ATP11A: variants seen among roughly 807,000 people sequenced by gnomAD.
ATP11A encodes ATPase phospholipid transporting 11A, also known as phospholipid-transporting ATPase IH.
ATP11A carries 81 observed loss-of-function variants against 154.4 expected under a neutral mutation model. The ratio of observed to expected loss-of-function variants is 0.52; its 90% CI spans 0.44 to 0.63. The LOEUF (loss-of-function observed/expected upper bound fraction) is 0.63, where lower values mean the gene tolerates loss of function less well. ATP11A is among the 30% of genes least tolerant of loss of function. The pLI, the probability that ATP11A is intolerant of heterozygous loss-of-function variation, is 0.00. For missense variants in ATP11A, 1,316 were observed against 1,474.3 expected (o/e 0.89, Z 1.76); for synonymous variants, 623 against 585.9 (o/e 1.06, Z -0.91).
chr13:112,736,059 C>G (rs966015200), intron 1 of ATP11A, among the ~76,000 whole-genome samples: 2 of 152,098 alleles, frequency 1.3e-5, no homozygotes, highest in African/African-American at 4.8e-5. Flanking sequence ...GTGCCCAGAG[C>G]AGGTGCAGAG....
At chr13:112,776,926 C>T (rs1451093925) in intron 1 of ATP11A, among the ~76,000 whole-genome samples, 2 of 152,276 alleles carry the variant, frequency 1.3e-5, no homozygotes, top group African/African-American at 4.8e-5. Context: ...GAGGCTTCAG[C>T]TCCTGGCCTG....
At chr13:112,873,129 G>A (rs373216574) in intron 26 of ATP11A, among the ~76,000 whole-genome samples, 11 of 125,644 alleles carry the variant, frequency 8.8e-5, no homozygotes, top group South Asian at 2.8e-4. Flanking sequence ...CTTCCTGAAC[G>A]GTGTGAGGTG....
intron 3 of ATP11A, among the ~76,000 whole-genome samples, chr13:112,805,672 CAAAAA>C (rs1220102979): frequency 6.0e-5 from 5 of 83,058 alleles, no homozygotes; most frequent in African/African-American, 1.9e-4. Flanking sequence ...GAGACTGTCT[CAAAAA>C]AAAAAAAAAA....
In ATP11A at chr13:112,767,464, G is replaced by A. The variant is rs9603944; in HGVS notation, c.40-17671G>A. Reference sequence around the variant, plus strand: ...GGGCCCCTGTGGGAAGGTGGGGAGGGTGTGGGAGTGCTGGGAGCCCCCGTG... The same window carrying A: ...GGGCCCCTGTGGGAAGGTGGGGAGGATGTGGGAGTGCTGGGAGCCCCCGTG... On this transcript the variant is annotated intron_variant, in intron 1 of 29. Coordinates refer to ENST00000375645, the MANE Select transcript of ATP11A (RefSeq NM_015205.3). Among the ~76,000 whole-genome samples the A allele has an allele frequency of 6.2e-4, 64 of 103,942 alleles. 1 individual carries two copies. Among genetic ancestry groups the A allele is most frequent in the African/African-American group, 2.9e-3 (61 of 21,184 alleles). The allele number at this position is 103,942 out of a possible 152,430, so 68.2% of individuals were successfully genotyped here.
intron 28 of ATP11A, among the ~76,000 whole-genome samples, chr13:112,877,385 A>G (rs908715716): frequency 3.3e-5 from 5 of 152,204 alleles, no homozygotes; most frequent in South Asian, 2.1e-4. Flanking sequence ...TGAGCTCTTT[A>G]GCTGTGCAGT....
intron 19 of ATP11A, among the ~76,000 whole-genome samples, 160 bp from the exon 20 acceptor site, chr13:112,855,751 T>G (rs2079903307): frequency 6.6e-6 from 1 of 152,204 alleles, no homozygotes. Flanking sequence ...ACAAAAGGTG[T>G]TATGTTCAAT....
At chr13:112,700,683 C>A (rs1361891824) in intron 1 of ATP11A, among the ~76,000 whole-genome samples, 2 of 152,232 alleles carry the variant, frequency 1.3e-5, no homozygotes, top group Non-Finnish European at 2.9e-5. Flanking sequence ...TTATCCATAG[C>A]GTCCCCTTCA....
chr13:112,864,903 CG>C (rs2080267998), intron 25 of ATP11A, among the ~76,000 whole-genome samples: 2 of 78,428 alleles, frequency 2.6e-5, no homozygotes, highest in Non-Finnish European at 5.3e-5. Flanking sequence ...AGCTTCCCAG[CG>C]GGGTCCATCA....
intron 1 of ATP11A, among the ~76,000 whole-genome samples, chr13:112,706,859 T>C (rs1182733839): frequency 6.6e-6 from 1 of 152,268 alleles, no homozygotes; most frequent in Non-Finnish European, 1.5e-5. Context: ...GAATACACTC[T>C]TAAATCAATG....
rs1234406685 is a variant in ATP11A, at chr13:112,778,822, TGAG to T, written c.40-6309_40-6307del. The stretch of plus-strand genomic sequence containing the variant: ...CCGCTGGAGTGAGTAGCCGCTGGAG[TGAG>T]GAGTAGCCGCTGGAGTGAGTAGCCG... On this transcript the variant is annotated intron_variant, in intron 1 of 29. Coordinates refer to ENST00000375645, the MANE Select transcript of ATP11A (RefSeq NM_015205.3). Among the ~76,000 whole-genome samples the T allele has an allele frequency of 1.6e-3, 31 of 19,178 alleles. 1 individual carries two copies. Among genetic ancestry groups the T allele is most frequent in the African/African-American group, 5.6e-3 (28 of 4,974 alleles). The allele number at this position is 19,178 out of a possible 152,430, so 12.6% of individuals were successfully genotyped here.
chr13:112,826,187 C>G (rs2140226544), intron 11 of ATP11A, among the ~76,000 whole-genome samples: 1 of 152,330 alleles, frequency 6.6e-6, no homozygotes, highest in African/African-American at 2.4e-5. Context: ...AAACCCAGAC[C>G]TGTGTCCCCT....
chr13:112,876,532 C>T (rs1359525156), intron 28 of ATP11A, among the ~76,000 whole-genome samples: 3 of 152,208 alleles, frequency 2.0e-5, no homozygotes, highest in African/African-American at 7.2e-5. Context: ...TGACCACGAC[C>T]CACCTCTGCT....
At chr13:112,867,212 G>C (rs2080363749) in intron 25 of ATP11A, among the ~76,000 whole-genome samples, 1 of 152,164 alleles carries the variant, frequency 6.6e-6, no homozygotes, top group African/African-American at 2.4e-5. Flanking sequence ...CACCCTATCA[G>C]CTGGACGTTC....
chr13:112,876,226 C>T (rs939588488), intron 28 of ATP11A: 6 of 259,572 alleles, frequency 2.3e-5, no homozygotes, highest in Non-Finnish European at 4.4e-5. Context: ...TAAATGGAAA[C>T]CTTTTTTAAA....
At chr13:112,700,444 C>T (rs1253404265) in intron 1 of ATP11A, among the ~76,000 whole-genome samples, 1 of 152,198 alleles carries the variant, frequency 6.6e-6, no homozygotes, top group Non-Finnish European at 1.5e-5. Context: ...ATCCACAGCC[C>T]CTCTCGATCC....
chr13:112,852,584 C>T (rs1450179094), intron 18 of ATP11A, among the ~76,000 whole-genome samples: 2 of 152,184 alleles, frequency 1.3e-5, no homozygotes, highest in Non-Finnish European at 2.9e-5. Flanking sequence ...CAGTCACTCA[C>T]CTGCTGTCTG....
At chr13:112,841,090 A>G (rs1240091175) in intron 16 of ATP11A, among the ~76,000 whole-genome samples, 1 of 152,254 alleles carries the variant, frequency 6.6e-6, no homozygotes, top group Non-Finnish European at 1.5e-5. Context: ...ACCCAGGCAC[A>G]AACCAGCCGC....
chr13:112,881,488 A>G, intron 29 of ATP11A: 1 of 1,099,496 alleles, frequency 9.1e-7, no homozygotes, highest in Non-Finnish European at 1.1e-6. Context: ...AGCTACAGGG[A>G]GGAAGCTCGT....
intron 17 of ATP11A, among the ~76,000 whole-genome samples, chr13:112,842,794 G>A (rs554097181): frequency 1.4e-4 from 21 of 152,366 alleles, no homozygotes; most frequent in African/African-American, 4.6e-4. Flanking sequence ...GACATCACCT[G>A]TTTGGGTTTC....
Sources: allele counts gnomAD v4.1 joint callset (sites outside exome capture counted in the v4.1 genomes callset), GRCh38; gene constraint gnomAD v4.1.1; transcripts MANE v1.5; gene names NCBI Gene and HGNC (gene_info 2026-07-23, HGNC 2026-07-21).